CNBD1: variants seen among roughly 807,000 people sequenced by gnomAD.
CNBD1 encodes the protein cyclic nucleotide-binding domain-containing protein 1.
Under a neutral mutation model 54.4 loss-of-function variants are expected in CNBD1, and 71 were observed. That is an observed-to-expected ratio of 1.30 (90% confidence interval 1.08 to 1.59). CNBD1 has a LOEUF of 1.59. CNBD1 is among the 40% of genes most tolerant of loss of function. The pLI is 0.00. For synonymous variants in CNBD1, 182 were observed against 170.7 expected (o/e 1.07, Z -0.51); for missense variants, 659 against 518.0 (o/e 1.27, Z -2.64).
At chr8:87,376,760 G>T (rs1485107567) in intron 10 of CNBD1, among the ~76,000 whole-genome samples, 2 of 151,824 alleles carry the variant, frequency 1.3e-5, no homozygotes, top group African/African-American at 2.4e-5. Flanking sequence ...GGCAACAAAG[G>T]CTTATAAAGC....
intron 4 of CNBD1, among the ~76,000 whole-genome samples, chr8:87,124,836 G>T (rs551095858): frequency 6.6e-6 from 1 of 151,590 alleles, no homozygotes; most frequent in African/African-American, 2.4e-5. Context: ...ACAAGCATCC[G>T]AGTAGGGAAG....
At chr8:87,143,667 A>T (rs1325090823) in intron 4 of CNBD1, among the ~76,000 whole-genome samples, 1 of 152,152 alleles carries the variant, frequency 6.6e-6, no homozygotes, top group East Asian at 1.9e-4. Context: ...TAAAAAATAG[A>T]TTTTTAATTA....
At chr8:87,417,870 A>G (rs1305205476) in intron 2 of CNBD1, among the ~76,000 whole-genome samples, 2 of 150,260 alleles carry the variant, frequency 1.3e-5, no homozygotes, top group African/African-American at 2.5e-5. Flanking sequence ...TAACTTGGAT[A>G]TGGAAAGCTA....
chr8:87,087,463 C>CTTTT lies in CNBD1; in HGVS notation c.432-118515_432-118512dup, dbSNP rs758497467. ...AGAGATTCCTCTATTGAAGTACATT[C>CTTTT]TTTTTTTTTTTTTTTTTTGAGTTGG... On this transcript the variant is annotated intron_variant, in intron 4 of 10. Coordinates refer to ENST00000518476, the MANE Select transcript of CNBD1 (RefSeq NM_173538.3). 1.5e-3 allele frequency among the ~76,000 whole-genome samples: 186 copies of CTTTT among 127,894 alleles called. 2 individuals are homozygous for CTTTT. The highest frequency in any genetic ancestry group is 4.8e-3 in the African/African-American group (161 of 33,574). 83.9% of individuals were successfully genotyped at this position (127,894 alleles called of 152,430 possible). A position where few individuals can be genotyped will look rare whatever the true frequency, so the allele number is the denominator to read the frequency against.
intron 4 of CNBD1, among the ~76,000 whole-genome samples, chr8:86,945,549 A>C (rs1322229156): frequency 6.6e-6 from 1 of 152,210 alleles, no homozygotes; most frequent in Non-Finnish European, 1.5e-5. Context: ...TGCTGATCAA[A>C]GAAAAACACT....
intron 4 of CNBD1, among the ~76,000 whole-genome samples, chr8:87,093,304 T>G (rs1563466058): frequency 6.6e-6 from 1 of 152,098 alleles, no homozygotes; most frequent in Admixed American, 6.5e-5. Context: ...GAACATTACC[T>G]GCTAGGAGGA....
intron 6 of CNBD1, among the ~76,000 whole-genome samples, chr8:87,274,091 G>T (rs1470157526): frequency 6.6e-6 from 1 of 152,080 alleles, no homozygotes; most frequent in Non-Finnish European, 1.5e-5. Context: ...CCCTACAAAA[G>T]ACATGAGCTC....
chr8:86,966,655 A>C (rs1489585092), intron 4 of CNBD1, among the ~76,000 whole-genome samples: 1 of 152,036 alleles, frequency 6.6e-6, no homozygotes, highest in African/African-American at 2.4e-5. Context: ...ACAGCTCTTA[A>C]AGGTGGCGCG....
At chr8:87,278,283 A>G (rs1808524805) in intron 6 of CNBD1, among the ~76,000 whole-genome samples, 1 of 151,660 alleles carries the variant, frequency 6.6e-6, no homozygotes, top group Non-Finnish European at 1.5e-5. Flanking sequence ...TGCCTGAAGC[A>G]GTACTGATTG....
intron 4 of CNBD1, among the ~76,000 whole-genome samples, chr8:87,187,720 CTAAA>C (rs2130783057): frequency 6.6e-6 from 1 of 152,228 alleles, no homozygotes; most frequent in African/African-American, 2.4e-5. Flanking sequence ...CTTAAGTTCA[CTAAA>C]TATATTCCAA....
At chr8:87,093,622 G>A (rs1563466162) in intron 4 of CNBD1, among the ~76,000 whole-genome samples, 1 of 152,110 alleles carries the variant, frequency 6.6e-6, no homozygotes, top group Non-Finnish European at 1.5e-5. Flanking sequence ...TTGACCAAAT[G>A]ACGGGTTACT....
At chr8:87,172,372 A>G (rs1159459916) in intron 4 of CNBD1, among the ~76,000 whole-genome samples, 3 of 152,074 alleles carry the variant, frequency 2.0e-5, no homozygotes, top group African/African-American at 7.2e-5. Context: ...CTCTGTAAAT[A>G]TCTACTGGGT....
At chr8:87,114,290 A>G (rs539833637) in intron 4 of CNBD1, among the ~76,000 whole-genome samples, 14 of 152,304 alleles carry the variant, frequency 9.2e-5, no homozygotes, top group African/African-American at 3.4e-4. Flanking sequence ...AGAGTATACA[A>G]TGATTGCTTC....
At chr8:87,370,000 A>G (rs948297680) in intron 10 of CNBD1, among the ~76,000 whole-genome samples, 5 of 151,876 alleles carry the variant, frequency 3.3e-5, no homozygotes, top group Non-Finnish European at 2.9e-5. Context: ...TCCCTGCAAT[A>G]GTTTACTGAG....
chr8:87,423,543 T>C (rs1221364313), intron 2 of CNBD1, among the ~76,000 whole-genome samples: 3 of 151,014 alleles, frequency 2.0e-5, no homozygotes, highest in African/African-American at 7.4e-5. Flanking sequence ...TCATGTGGTT[T>C]CTGTCTTTGG....
At chr8:87,230,742 A>T (rs1489498218) in intron 5 of CNBD1, among the ~76,000 whole-genome samples, 1 of 152,316 alleles carries the variant, frequency 6.6e-6, no homozygotes, top group East Asian at 1.9e-4. Flanking sequence ...TTTGGTATAT[A>T]TGAATAACAG....
At chr8:86,941,430 T>G (rs1809655226) in intron 4 of CNBD1, among the ~76,000 whole-genome samples, 1 of 152,212 alleles carries the variant, frequency 6.6e-6, no homozygotes, top group Non-Finnish European at 1.5e-5. Context: ...TGCATCAGAT[T>G]CCAAAATTTT....
intron 4 of CNBD1, among the ~76,000 whole-genome samples, chr8:87,042,741 G>A (rs964761489): frequency 6.6e-6 from 1 of 152,010 alleles, no homozygotes; most frequent in Admixed American, 6.6e-5. Context: ...TAACAATTAT[G>A]TGTTATAAAT....
chr8:87,371,757 T>A (rs1484558588), intron 10 of CNBD1, among the ~76,000 whole-genome samples: 1 of 152,050 alleles, frequency 6.6e-6, no homozygotes, highest in Non-Finnish European at 1.5e-5. Flanking sequence ...TCTCAATAGA[T>A]GCAGAAAAGG....
Sources: gnomAD v4.1 joint callset for allele counts (sites outside exome capture counted in the v4.1 genomes callset) on GRCh38, gnomAD v4.1.1 for gene constraint, MANE v1.5 for transcripts, NCBI Gene and HGNC (gene_info 2026-07-23, HGNC 2026-07-21) for gene names.